ANK2: variants seen among roughly 807,000 people sequenced by gnomAD.
ANK2 encodes the protein ankyrin 2.
Under a neutral mutation model 360.5 loss-of-function variants are expected in ANK2, and 83 were observed. That is an observed-to-expected ratio of 0.23 (90% confidence interval 0.19 to 0.28). ANK2 has a LOEUF of 0.28. ANK2 is among the 10% of genes least tolerant of loss of function. The probability of loss-of-function intolerance (pLI) is 1.00; values close to 1 mark genes in which losing one functional copy is unlikely to be tolerated. For synonymous variants in ANK2, 1,740 were observed against 1,759.5 expected (o/e 0.99, Z 0.28); for missense variants, 4,201 against 4,795.7 (o/e 0.88, Z 3.66).
intron 2 of ANK2, among the ~76,000 whole-genome samples, chr4:112,913,398 C>T (rs2088453636): frequency 6.6e-6 from 1 of 152,200 alleles, no homozygotes; most frequent in African/African-American, 2.4e-5. Context: ...CTCCTGGGCT[C>T]AAACGATCCT....
intron 2 of ANK2, among the ~76,000 whole-genome samples, chr4:112,986,851 A>G (rs1192597722): frequency 6.6e-6 from 1 of 152,196 alleles, no homozygotes; most frequent in African/African-American, 2.4e-5. Flanking sequence ...TCCACCTTCT[A>G]TGTTCACATT....
chr4:112,771,164 G>T, the ANK2 span, among the ~76,000 whole-genome samples: 8 of 152,290 alleles, frequency 5.3e-5, no homozygotes, highest in South Asian at 2.1e-4. Context: ...CCAGGCTGTA[G>T]TGCAATGGTG....
chr4:113,102,523 C>A (rs2093029517), intron 1 of ANK2, among the ~76,000 whole-genome samples: 1 of 151,928 alleles, frequency 6.6e-6, no homozygotes, highest in African/African-American at 2.4e-5. Context: ...AGAGAGGAAG[C>A]CCCAGGACAG....
chr4:112,861,869 A>AGAGAG (rs773734914), intron 1 of ANK2, among the ~76,000 whole-genome samples: 40 of 69,236 alleles, frequency 5.8e-4, no homozygotes, highest in Middle Eastern at 7.4e-3. Context: ...GAGAGAGAGA[A>AGAGAG]ACTCTCACAG....
intron 2 of ANK2, among the ~76,000 whole-genome samples, chr4:112,935,173 T>A (rs1394070355): frequency 6.6e-6 from 1 of 151,766 alleles, no homozygotes; most frequent in Non-Finnish European, 1.5e-5. Flanking sequence ...CTAGAACACA[T>A]AGTGCCTTAT....
In ANK2 at chr4:113,287,206, T is replaced by C. The variant is rs29363; in HGVS notation, c.2080-399T>C. The stretch of plus-strand genomic sequence containing the variant: ...TGATATTTTGTTGATAAAATATAGA[T>C]GATTATTATGCTTATAAAATAGGTG... On this transcript the variant is annotated intron_variant, in intron 18 of 45. Coordinates refer to ENST00000357077, the MANE Select transcript of ANK2 (RefSeq NM_001148.6). Among the ~76,000 whole-genome samples, 498 of 152,350 alleles carry C rather than the reference T, an allele frequency of 3.3e-3. 3 individuals carry two copies. The highest frequency in any genetic ancestry group is 0.011 in the African/African-American group (470 of 41,598).
chr4:113,321,367 C>T (rs2153865961), intron 26 of ANK2, among the ~76,000 whole-genome samples: 1 of 152,336 alleles, frequency 6.6e-6, no homozygotes, highest in Middle Eastern at 3.4e-3. Context: ...CTCTAAATGG[C>T]AGCGTCAATG....
chr4:113,237,724 G>A (rs541904428), intron 7 of ANK2, 102 bp downstream of exon 7: 7 of 1,085,672 alleles, frequency 6.4e-6, no homozygotes, highest in Non-Finnish European at 8.5e-6. Context: ...TTAGAAGTTT[G>A]ATTAATGGGA....
chr4:113,085,537 G>T (rs2084261619), intron 1 of ANK2, among the ~76,000 whole-genome samples: 1 of 152,024 alleles, frequency 6.6e-6, no homozygotes, highest in African/African-American at 2.4e-5. Context: ...TTGATCTCGT[G>T]ACCTCATGAT....
At position 113,071,559 on chromosome 4, in the gene ANK2, C is replaced by G. The variant is rs182436719; in HGVS notation, c.84+21747C>G. Among the ~76,000 whole-genome samples, 7 of 152,286 alleles carry G rather than the reference C, an allele frequency of 4.6e-5. No individual in the cohort carries two copies. The East Asian group carries it at 1.4e-3, about 29-fold the overall frequency. ...AATCCAGATTTATTCTTTCCTTGATCAGCTAACATGCGCAGTGTTCTGTCC... is the reference window on the plus strand; with the variant it reads ...AATCCAGATTTATTCTTTCCTTGATGAGCTAACATGCGCAGTGTTCTGTCC... On this transcript the variant is annotated intron_variant, in intron 1 of 45. Coordinates refer to ENST00000357077, the MANE Select transcript of ANK2 (RefSeq NM_001148.6).
At chr4:113,222,478 C>T (rs1301734730) in intron 4 of ANK2, among the ~76,000 whole-genome samples, 1 of 150,880 alleles carries the variant, frequency 6.6e-6, no homozygotes, top group Non-Finnish European at 1.5e-5. Flanking sequence ...CTCACCGCAA[C>T]CTCTGCTTCC....
intron 2 of ANK2, among the ~76,000 whole-genome samples, chr4:112,982,583 G>A (rs2043428942): frequency 6.6e-6 from 1 of 152,118 alleles, no homozygotes. Flanking sequence ...TAAGCTAAGG[G>A]GGAACTTATA....
chr4:113,135,214 A>G (rs1028288282), intron 1 of ANK2, among the ~76,000 whole-genome samples: 10 of 152,224 alleles, frequency 6.6e-5, no homozygotes, highest in Non-Finnish European at 1.5e-4. Flanking sequence ...AAGGTAAGAC[A>G]TGTTAGAAGT....
chr4:113,029,067 G>A (rs1321595943), intron 2 of ANK2, among the ~76,000 whole-genome samples: 1 of 151,990 alleles, frequency 6.6e-6, no homozygotes, highest in Non-Finnish European at 1.5e-5. Flanking sequence ...GGATTTAGAA[G>A]ATAAAAATAA....
chr4:112,714,416 T>C, the ANK2 span, among the ~76,000 whole-genome samples: 2 of 152,166 alleles, frequency 1.3e-5, no homozygotes, highest in Admixed American at 1.3e-4. Context: ...CTCCTGGCCT[T>C]GAGCAATCTA....
intron 45 of ANK2, among the ~76,000 whole-genome samples, chr4:113,378,520 C>A (rs556177240): frequency 6.6e-6 from 1 of 152,198 alleles, no homozygotes. Context: ...GAAGAAGAAT[C>A]TAATCGATGG....
chr4:112,905,200 A>G (rs530913942), intron 2 of ANK2, among the ~76,000 whole-genome samples: 50 of 152,316 alleles, frequency 3.3e-4, no homozygotes, highest in African/African-American at 1.0e-3. Context: ...AAATCATCTC[A>G]TTTGGTTACA....
intron 1 of ANK2, among the ~76,000 whole-genome samples, chr4:113,057,861 T>C (rs939952329): frequency 6.6e-6 from 1 of 152,154 alleles, no homozygotes; most frequent in Non-Finnish European, 1.5e-5. Flanking sequence ...ATACTTTGCA[T>C]AGCAGCTAAA....
chr4:112,828,109 T>C (rs1379099963), intron 1 of ANK2, among the ~76,000 whole-genome samples: 1 of 152,220 alleles, frequency 6.6e-6, no homozygotes, highest in East Asian at 1.9e-4. Context: ...AAAATAAGCA[T>C]TGGGGAAAGG....
Sources: allele counts gnomAD v4.1 joint callset (sites outside exome capture counted in the v4.1 genomes callset), GRCh38; gene constraint gnomAD v4.1.1; transcripts MANE v1.5; gene names NCBI Gene and HGNC (gene_info 2026-07-23, HGNC 2026-07-21).